Variants in EVI5 observed in about 807,000 individuals in gnomAD.
The protein encoded by EVI5 is ecotropic viral integration site 5, also known as ecotropic viral integration site 5 protein homolog.
In EVI5, 73 loss-of-function variants were observed where a neutral mutation model predicts 112.0. The observed-to-expected ratio is 0.65, with a 90% CI of 0.54 to 0.79. The LOEUF is 0.79. Ranked by LOEUF, EVI5 falls within the 30% of genes least tolerant of loss-of-function variation. EVI5 has a pLI of 0.00. For missense variants in EVI5, 900 were observed against 968.8 expected (o/e 0.93, Z 0.94); for synonymous variants, 305 against 319.9 (o/e 0.95, Z 0.50).
At chr1:92,741,525 A>G (rs1035181875) in intron 1 of EVI5, among the ~76,000 whole-genome samples, 2 of 152,052 alleles carry the variant, frequency 1.3e-5, no homozygotes, top group Non-Finnish European at 2.9e-5. Context: ...AACAAACTCT[A>G]TTTTCGAAAA....
At chr1:92,595,071 ACC>A (rs1344740292) in intron 18 of EVI5, among the ~76,000 whole-genome samples, 2 of 151,820 alleles carry the variant, frequency 1.3e-5, no homozygotes, top group African/African-American at 2.4e-5. Context: ...CTGGGTATAT[ACC>A]CAAAGGATTA....
chr1:92,600,802 A>G (rs1259095498), intron 18 of EVI5, among the ~76,000 whole-genome samples: 6 of 152,120 alleles, frequency 3.9e-5, no homozygotes, highest in Non-Finnish European at 8.8e-5. Flanking sequence ...CCCGGTTCCT[A>G]ACAGGCCATG....
intron 1 of EVI5, among the ~76,000 whole-genome samples, chr1:92,738,393 A>T (rs1005064275): frequency 1.2e-4 from 19 of 152,184 alleles, no homozygotes; most frequent in South Asian, 8.3e-4. Flanking sequence ...TAAAATTTAT[A>T]AAAAAATGGT....
At chr1:92,703,716 A>G (rs1052568992) in intron 3 of EVI5, 97 bp from the exon 4 acceptor site, 16 of 724,864 alleles carry the variant, frequency 2.2e-5, no homozygotes, top group Non-Finnish European at 3.3e-5. Context: ...AGTAGAAGAC[A>G]TCATTAAATT....
intron 17 of EVI5, among the ~76,000 whole-genome samples, chr1:92,606,886 TCACACACACA>T (rs559617956): frequency 1.5e-5 from 1 of 66,342 alleles, no homozygotes; most frequent in Non-Finnish European, 2.7e-5. Flanking sequence ...TTTAGTTATT[TCACACACACA>T]CACACACACA....
chr1:92,651,398 A>C (rs1405673857), intron 13 of EVI5, among the ~76,000 whole-genome samples: 1 of 152,262 alleles, frequency 6.6e-6, no homozygotes, highest in Non-Finnish European at 1.5e-5. Flanking sequence ...AATCTCGGTC[A>C]AAAAATTATT....
intron 1 of EVI5, among the ~76,000 whole-genome samples, chr1:92,772,622 G>A (rs1314483204): frequency 1.3e-5 from 2 of 152,112 alleles, no homozygotes; most frequent in Non-Finnish European, 2.9e-5. Context: ...CTTCATAGCG[G>A]CTGGGTGCAG....
chr1:92,654,896 T>G (rs1347181921), intron 13 of EVI5, among the ~76,000 whole-genome samples: 1 of 152,046 alleles, frequency 6.6e-6, no homozygotes, highest in Non-Finnish European at 1.5e-5. Flanking sequence ...TAAAGACAGG[T>G]CTATTGAATT....
intron 18 of EVI5, among the ~76,000 whole-genome samples, chr1:92,565,678 C>T (rs1264947351): frequency 1.3e-5 from 2 of 151,964 alleles, no homozygotes; most frequent in African/African-American, 4.8e-5. Context: ...TAGAACTGTT[C>T]TAGCAACAGG....
chr1:92,626,188 T>A (rs1655624562), intron 14 of EVI5, among the ~76,000 whole-genome samples: 1 of 152,154 alleles, frequency 6.6e-6, no homozygotes, highest in South Asian at 2.1e-4. Context: ...AGAAAACCTA[T>A]ACTCATCACC....
intron 19 of EVI5, among the ~76,000 whole-genome samples, chr1:92,561,604 C>G (rs7536796): frequency 0.12 from 17,149 of 138,264 alleles, 1,160 homozygotes; most frequent in Middle Eastern, 0.19. Context: ...TCTATCTAAT[C>G]TATCCTATCT....
chr1:92,675,843 C>A lies in EVI5; in HGVS notation c.1158+1315G>T, dbSNP rs537927616. ...TGGTGGCGGGCGCCTGTAGTCCCAG[C>A]TACTTGGGAAGCTGAGGCAGGAGAA... On this transcript the variant is annotated intron_variant, in intron 10 of 19. Coordinates refer to ENST00000684568, the MANE Select transcript of EVI5 (RefSeq NM_001350197.2). 2.8e-4 allele frequency among the ~76,000 whole-genome samples: 43 copies of A among 151,320 alleles called. No individual in the cohort carries two copies. The South Asian group carries it at 8.9e-3, about 31-fold the overall frequency.
rs1453325274 is a variant in EVI5 at position 92,703,442 on chromosome 1, TA to T, written c.516del (p.Phe172LeufsTer15). 2 of 1,587,900 alleles carry T rather than the reference TA, an allele frequency of 1.3e-6. No homozygotes were observed. Among genetic ancestry groups the T allele is most frequent in the African/African-American group, 1.4e-5 (1 of 72,794 alleles). On this transcript the variant is annotated frameshift_variant, in exon 4 of 20. Transcript: ENST00000684568. LOFTEE classifies it high-confidence loss of function. Reference protein sequence around the residue: ...IARTYPEHNFFKEKDSLGQEV... With the variant: ...IARTYPEHNFXKEKDSLGQEV... ...TCCTGTCCAAGGCTATCTTTTTCCT[TA>T]AAAAAGTTGTGTTCAGGGTAAGTTC...
intron 1 of EVI5, among the ~76,000 whole-genome samples, chr1:92,745,471 C>T (rs1447504754): frequency 2.0e-5 from 3 of 152,200 alleles, no homozygotes; most frequent in Non-Finnish European, 2.9e-5. Context: ...TATGCTTACA[C>T]TGTTATATTA....
intron 1 of EVI5, chr1:92,784,598 G>C (rs893071366): frequency 1.3e-5 from 4 of 315,994 alleles, no homozygotes; most frequent in Non-Finnish European, 1.8e-5. Context: ...CCGCCGACGA[G>C]TTTCTTCCCC....
chr1:92,601,836 T>C (rs571354163), intron 18 of EVI5, among the ~76,000 whole-genome samples: 2 of 152,366 alleles, frequency 1.3e-5, no homozygotes, highest in East Asian at 1.9e-4. Context: ...TTAATAAATA[T>C]TTCAGAATCA....
At chr1:92,748,401 C>CT (rs1244743217) in intron 1 of EVI5, among the ~76,000 whole-genome samples, 1 of 152,204 alleles carries the variant, frequency 6.6e-6, no homozygotes, top group Non-Finnish European at 1.5e-5. Context: ...GCCCCAGACT[C>CT]TAAGTCTTCC....
At chr1:92,721,261 A>T (rs372113301) in intron 2 of EVI5, among the ~76,000 whole-genome samples, 23 of 152,224 alleles carry the variant, frequency 1.5e-4, no homozygotes, top group African/African-American at 5.5e-4. Context: ...ACAATAGCAA[A>T]AACTTGGAAC....
In EVI5 at chr1:92,511,930, CA is replaced by C. The variant is rs1458142032; in HGVS notation, c.*1725del. The stretch of plus-strand genomic sequence containing the variant: ...TTCATATTTTTTTTTTTGCCGCATG[CA>C]ACATACTGTGCAAAACTGTGCCTCC... On this transcript the variant is annotated 3_prime_UTR_variant, in exon 20 of 20. Transcript: ENST00000684568. 2.6e-5 allele frequency: 4 copies of C among 151,984 alleles called. No homozygotes were observed. The highest frequency in any genetic ancestry group is 9.7e-5 in the African/African-American group (4 of 41,310). The allele number at this position is 151,984 out of a possible 1,614,324, so 9.4% of individuals were successfully genotyped here. A position where few individuals can be genotyped will look rare whatever the true frequency, so the allele number is the denominator to read the frequency against.
Sources: allele counts gnomAD v4.1 joint callset (sites outside exome capture counted in the v4.1 genomes callset), GRCh38; gene constraint gnomAD v4.1.1; transcripts MANE v1.5; gene names NCBI Gene and HGNC (gene_info 2026-07-23, HGNC 2026-07-21).